Variants in STXBP6 observed in about 807,000 individuals in gnomAD.
STXBP6 encodes syntaxin-binding protein 6.
In STXBP6, 21 loss-of-function variants were observed where a neutral mutation model predicts 26.9. The observed-to-expected ratio is 0.78, with a 90% CI of 0.55 to 1.12. The LOEUF (loss-of-function observed/expected upper bound fraction) is 1.12, where lower values mean the gene tolerates loss of function less well. Ranked by LOEUF, STXBP6 falls within the 50% of genes most tolerant of loss-of-function variation. The probability of loss-of-function intolerance (pLI) is 0.00; values close to 1 mark genes in which losing one functional copy is unlikely to be tolerated. For synonymous variants in STXBP6, 97 were observed against 92.6 expected (o/e 1.05, Z -0.27); for missense variants, 232 against 257.9 (o/e 0.90, Z 0.69).
chr14:24,861,659 G>T (rs1183271294), intron 2 of STXBP6, among the ~76,000 whole-genome samples: 1 of 151,844 alleles, frequency 6.6e-6, no homozygotes, highest in East Asian at 1.9e-4. Context: ...AAATATCTAG[G>T]TTGTTACCTT....
chr14:24,985,270 G>A (rs1202195585), intron 1 of STXBP6, among the ~76,000 whole-genome samples: 1 of 152,204 alleles, frequency 6.6e-6, no homozygotes, highest in Non-Finnish European at 1.5e-5. Flanking sequence ...ACTCCATAAA[G>A]GGGACAATGC....
chr14:24,925,310 G>A (rs1305719520), intron 2 of STXBP6, among the ~76,000 whole-genome samples: 1 of 152,200 alleles, frequency 6.6e-6, no homozygotes, highest in East Asian at 1.9e-4. Context: ...CATGAAGCAT[G>A]TTGCAAACAG....
At chr14:24,950,929 C>T in intron 2 of STXBP6, among the ~76,000 whole-genome samples, 1 of 151,976 alleles carries the variant, frequency 6.6e-6, no homozygotes, top group Admixed American at 6.6e-5. Context: ...TGTAATGTTC[C>T]CCTCCCTGTG....
intron 2 of STXBP6, among the ~76,000 whole-genome samples, chr14:24,884,750 T>C (rs2070504743): frequency 6.9e-6 from 1 of 143,956 alleles, no homozygotes; most frequent in African/African-American, 2.7e-5. Flanking sequence ...ATAATGTTTA[T>C]GAATACCCTA....
chr14:24,934,994 C>G (rs1485333423), intron 2 of STXBP6, among the ~76,000 whole-genome samples: 2 of 152,008 alleles, frequency 1.3e-5, no homozygotes, highest in Non-Finnish European at 2.9e-5. Context: ...TTCCTTAGGT[C>G]TCCTGGAGCA....
At chr14:24,832,823 T>C (rs1015460407) in intron 4 of STXBP6, among the ~76,000 whole-genome samples, 2 of 152,216 alleles carry the variant, frequency 1.3e-5, no homozygotes, top group Non-Finnish European at 2.9e-5. Context: ...TTATCAAGGT[T>C]CCAAATGCAA....
chr14:25,013,600 G>A (rs1839525610), intron 1 of STXBP6, among the ~76,000 whole-genome samples: 1 of 151,798 alleles, frequency 6.6e-6, no homozygotes, highest in Non-Finnish European at 1.5e-5. Context: ...GCCTCTAAAT[G>A]TAACTACCAG....
chr14:25,037,690 A>T (rs937456722), intron 1 of STXBP6, among the ~76,000 whole-genome samples: 1 of 152,226 alleles, frequency 6.6e-6, no homozygotes, highest in Non-Finnish European at 1.5e-5. Context: ...AGGTCATTTT[A>T]AAACCACCTA....
At chr14:25,000,659 A>G (rs964672937) in intron 1 of STXBP6, among the ~76,000 whole-genome samples, 1 of 149,786 alleles carries the variant, frequency 6.7e-6, no homozygotes, top group Admixed American at 6.6e-5. Context: ...TGTAAAACTG[A>G]CCATAAAGAA....
At chr14:25,042,893 T>C (rs1190591804) in intron 1 of STXBP6, among the ~76,000 whole-genome samples, 1 of 152,354 alleles carries the variant, frequency 6.6e-6, no homozygotes, top group Non-Finnish European at 1.5e-5. Flanking sequence ...TCATGCCTCT[T>C]GGACCCAAAT....
intron 1 of STXBP6, among the ~76,000 whole-genome samples, chr14:25,045,646 C>T (rs867458592): frequency 1.5e-4 from 23 of 149,096 alleles, no homozygotes; most frequent in African/African-American, 5.4e-4. Flanking sequence ...TCTTGTTGCC[C>T]AGGCTGGAGT....
intron 2 of STXBP6, among the ~76,000 whole-genome samples, chr14:24,969,145 T>G (rs2073826981): frequency 6.6e-6 from 1 of 152,196 alleles, no homozygotes; most frequent in South Asian, 2.1e-4. Flanking sequence ...CATTCAGAAC[T>G]TTTTCCTAAA....
At chr14:24,848,355 AG>A (rs1213741557) in intron 4 of STXBP6, among the ~76,000 whole-genome samples, 1 of 152,148 alleles carries the variant, frequency 6.6e-6, no homozygotes, top group East Asian at 1.9e-4. Flanking sequence ...GTCAAAGAGA[AG>A]GGTAAGTGAA....
intron 2 of STXBP6, among the ~76,000 whole-genome samples, chr14:24,941,818 A>G (rs1004069385): frequency 1.3e-5 from 2 of 152,174 alleles, no homozygotes; most frequent in African/African-American, 4.8e-5. Context: ...TAACTCAGGG[A>G]CCACCTGTGT....
At chr14:24,920,343 GTTCTT>G (rs1271055392) in intron 2 of STXBP6, among the ~76,000 whole-genome samples, 1 of 151,874 alleles carries the variant, frequency 6.6e-6, no homozygotes, top group African/African-American at 2.4e-5. Flanking sequence ...TGTTTTAATG[GTTCTT>G]TTCTGACAGT....
intron 2 of STXBP6, among the ~76,000 whole-genome samples, chr14:24,898,041 A>T (rs12895865): frequency 0.34 from 51,073 of 151,984 alleles, 8,653 homozygotes; most frequent in African/African-American, 0.4. Flanking sequence ...GTGTTTCTGT[A>T]CACGAGGTTT....
chr14:24,926,421 G>A (rs769052411), intron 2 of STXBP6, among the ~76,000 whole-genome samples: 18 of 152,086 alleles, frequency 1.2e-4, no homozygotes, highest in African/African-American at 4.1e-4. Flanking sequence ...AATGGCACGG[G>A]ATTGGTCTTA....
At chr14:24,887,807 C>T (rs1424343321) in intron 2 of STXBP6, among the ~76,000 whole-genome samples, 3 of 152,224 alleles carry the variant, frequency 2.0e-5, no homozygotes, top group South Asian at 4.1e-4. Context: ...ATGCTTCCCA[C>T]TAAGTATCGT....
intron 2 of STXBP6, among the ~76,000 whole-genome samples, chr14:24,901,342 T>C (rs185764810): frequency 1.3e-3 from 189 of 147,838 alleles, no homozygotes; most frequent in African/African-American, 4.0e-3. Context: ...CCCACTAGCA[T>C]GGCTCCCCCC....
Sources: allele counts gnomAD v4.1 joint callset (sites outside exome capture counted in the v4.1 genomes callset), GRCh38; gene constraint gnomAD v4.1.1; transcripts MANE v1.5; gene names NCBI Gene and HGNC (gene_info 2026-07-23, HGNC 2026-07-21).